The following CDH18 variants were observed in gnomAD, a reference collection of about 807,000 sequenced individuals.
CDH18 encodes the protein cadherin 18, also known as cadherin-18.
CDH18 carries 31 observed loss-of-function variants against 67.9 expected under a neutral mutation model. The observed-to-expected ratio is 0.46, with a 90% CI of 0.34 to 0.62. CDH18 has a LOEUF of 0.62. Ranked by LOEUF, CDH18 falls within the 20% of genes least tolerant of loss-of-function variation. The pLI is 0.01. For missense variants in CDH18, 890 were observed against 975.5 expected (o/e 0.91, Z 1.17); for synonymous variants, 362 against 347.2 (o/e 1.04, Z -0.48).
chr5:19,549,606 A>C (rs1736978900), intron 8 of CDH18, among the ~76,000 whole-genome samples: 2 of 146,218 alleles, frequency 1.4e-5, no homozygotes, highest in African/African-American at 4.9e-5. Flanking sequence ...CGGGAAAAGA[A>C]GAAAATAAAG....
chr5:20,180,753 G>A (rs1737622023), intron 2 of CDH18, among the ~76,000 whole-genome samples: 2 of 152,082 alleles, frequency 1.3e-5, no homozygotes, highest in Non-Finnish European at 2.9e-5. Flanking sequence ...CCTGGACCCA[G>A]CTTTCACTAT....
At chr5:20,383,529 A>C (rs555618657) in intron 1 of CDH18, among the ~76,000 whole-genome samples, 18 of 152,044 alleles carry the variant, frequency 1.2e-4, no homozygotes, top group Non-Finnish European at 2.5e-4. Flanking sequence ...GGTTTGTTTT[A>C]TTTGGTCTCA....
At chr5:19,760,644 C>A (rs1214936244) in intron 3 of CDH18, among the ~76,000 whole-genome samples, 1 of 152,140 alleles carries the variant, frequency 6.6e-6, no homozygotes, top group Admixed American at 6.6e-5. Context: ...CCATGCCTGT[C>A]CTCCAGATTT....
chr5:19,506,131 CAAAT>C (rs2126788779), intron 10 of CDH18, among the ~76,000 whole-genome samples: 1 of 149,398 alleles, frequency 6.7e-6, no homozygotes, highest in African/African-American at 2.5e-5. Context: ...AACAGAGAGC[CAAAT>C]CATGAGTGAA....
chr5:20,092,079 AT>A (rs201962684), intron 2 of CDH18, among the ~76,000 whole-genome samples: 2 of 152,030 alleles, frequency 1.3e-5, no homozygotes, highest in Middle Eastern at 3.4e-3. Context: ...AGGTAATTGC[AT>A]TTTTTTTACT....
intron 2 of CDH18, among the ~76,000 whole-genome samples, chr5:19,957,566 GA>G (rs1245768757): frequency 1.3e-5 from 2 of 151,708 alleles, no homozygotes; most frequent in Admixed American, 6.6e-5. Flanking sequence ...TAGAAACATG[GA>G]GTTATTTTAG....
At chr5:19,557,215 A>G (rs1738598355) in intron 8 of CDH18, among the ~76,000 whole-genome samples, 1 of 152,100 alleles carries the variant, frequency 6.6e-6, no homozygotes, top group Non-Finnish European at 1.5e-5. Context: ...GACCTATAAA[A>G]CAACAACACA....
intron 1 of CDH18, among the ~76,000 whole-genome samples, chr5:20,298,539 T>G (rs1747716964): frequency 6.6e-6 from 1 of 152,194 alleles, no homozygotes; most frequent in Non-Finnish European, 1.5e-5. Context: ...ATCTCAAATT[T>G]AAAAGACAAA....
Position 20,123,886 on chromosome 5 carries a change from C to CAA in CDH18, c.-518+131556_-518+131557dup, listed in dbSNP as rs11292634. ...TGGGAGACAGAGCGAGACTCCGTCTCAAAAAAAAAAAAAAAAAAAAGAATT... is the reference window on the plus strand; with the variant it reads ...TGGGAGACAGAGCGAGACTCCGTCTCAAAAAAAAAAAAAAAAAAAAAAGAATT... On this transcript the variant is annotated intron_variant, in intron 2 of 14. Coordinates refer to the CDH18 transcript ENST00000507958. Among the ~76,000 whole-genome samples, 184 of 87,142 alleles carry CAA rather than the reference C, an allele frequency of 2.1e-3. 3 individuals carry two copies. Among genetic ancestry groups the CAA allele is most frequent in the African/African-American group, 6.9e-3 (164 of 23,632 alleles). 57.2% of individuals were successfully genotyped at this position (87,142 alleles called of 152,430 possible).
intron 1 of CDH18, among the ~76,000 whole-genome samples, chr5:20,477,621 T>C (rs1752528529): frequency 6.6e-6 from 1 of 152,178 alleles, no homozygotes; most frequent in East Asian, 1.9e-4. Context: ...CCCATCCCAG[T>C]GATGGGAACC....
intron 2 of CDH18, among the ~76,000 whole-genome samples, chr5:19,937,204 T>C (rs1359096578): frequency 6.6e-6 from 1 of 151,360 alleles, no homozygotes; most frequent in Non-Finnish European, 1.5e-5. Context: ...TGTAACTATA[T>C]AATTATGGTT....
intron 2 of CDH18, among the ~76,000 whole-genome samples, chr5:20,079,481 T>C (rs909394861): frequency 3.3e-5 from 5 of 152,194 alleles, no homozygotes; most frequent in Non-Finnish European, 5.9e-5. Context: ...TGGGTTGTTT[T>C]CATATGTTGA....
chr5:20,005,143 A>G (rs1736784614), intron 2 of CDH18, among the ~76,000 whole-genome samples: 1 of 152,152 alleles, frequency 6.6e-6, no homozygotes, highest in African/African-American at 2.4e-5. Context: ...ACTAAAGACA[A>G]ATTCTAATGA....
At chr5:19,990,941 A>G (rs1397712750), upstream of CDH18, among the ~76,000 whole-genome samples, 1 of 152,176 alleles carries the variant, frequency 6.6e-6, no homozygotes, top group African/African-American at 2.4e-5. Flanking sequence ...TTACAGAACT[A>G]ATCTCTGAAA....
At chr5:20,407,220 A>C (rs6863393) in intron 1 of CDH18, among the ~76,000 whole-genome samples, 4,564 of 152,254 alleles carry the variant, frequency 0.03, 55 homozygotes, top group Middle Eastern at 0.045. Context: ...GGGGAGGGAA[A>C]GATTTGGACC....
At chr5:20,435,181 G>T (rs532289074) in intron 1 of CDH18, among the ~76,000 whole-genome samples, 1 of 151,936 alleles carries the variant, frequency 6.6e-6, no homozygotes, top group Non-Finnish European at 1.5e-5. Flanking sequence ...AGAAAAAGGC[G>T]TTTTGCCTCT....
chr5:20,198,692 C>T (rs1561870099), intron 2 of CDH18, among the ~76,000 whole-genome samples: 1 of 152,258 alleles, frequency 6.6e-6, no homozygotes, highest in South Asian at 2.1e-4. Context: ...AAAAATGTCT[C>T]CAGGGCATGT....
At chr5:20,139,497 A>T (rs1750048793) in intron 2 of CDH18, among the ~76,000 whole-genome samples, 1 of 152,222 alleles carries the variant, frequency 6.6e-6, no homozygotes, top group Admixed American at 6.5e-5. Flanking sequence ...GCTTCTGCAC[A>T]GCAAAAGAAA....
At chr5:19,830,938 G>GA (rs1041609757) in intron 3 of CDH18, among the ~76,000 whole-genome samples, 14 of 152,010 alleles carry the variant, frequency 9.2e-5, no homozygotes, top group African/African-American at 3.1e-4. Context: ...CGCAGGAAGA[G>GA]AAAACCACAT....
Sources: allele counts gnomAD v4.1 joint callset (sites outside exome capture counted in the v4.1 genomes callset), GRCh38; gene constraint gnomAD v4.1.1; transcripts MANE v1.5; gene names NCBI Gene and HGNC (gene_info 2026-07-23, HGNC 2026-07-21).